TG: variants seen among roughly 807,000 people sequenced by gnomAD.
TG encodes the protein thyroid hormones.
Under a neutral mutation model 324.7 loss-of-function variants are expected in TG, and 270 were observed. The ratio of observed to expected loss-of-function variants is 0.83; its 90% CI spans 0.75 to 0.92. The LOEUF (loss-of-function observed/expected upper bound fraction) is 0.92. Among genes scored for constraint, TG ranks in the 40% least tolerant of loss-of-function variants. The pLI, the probability that TG is intolerant of heterozygous loss-of-function variation, is 0.00. For synonymous variants in TG, 1,401 were observed against 1,327.0 expected, an observed-to-expected ratio of 1.06 and a Z score of -1.21; for missense variants, 3,591 against 3,456.4, an observed-to-expected ratio of 1.04 and a Z score of -0.98.
Position 132,871,234 on chromosome 8 carries a change from G to A in TG, c.275-114G>A, listed in dbSNP as rs564730524. 1.4e-4 allele frequency: 152 copies of A among 1,067,074 alleles called. No individual in the cohort carries two copies. The Middle Eastern group carries it at 2.2e-3, about 16-fold the overall frequency. 66.1% of individuals were successfully genotyped at this position (1,067,074 alleles called of 1,614,324 possible). ...ACCCCATCACTGCGTGTCCTTGGGC[G>A]GGTCATTCCCCTCTCAGCTGTGTCC... On this transcript the variant is annotated intron_variant, in intron 3 of 47. Coordinates refer to ENST00000220616, the MANE Select transcript of TG (RefSeq NM_003235.5).
chr8:132,951,620 G>T (rs1826112900), intron 27 of TG, among the ~76,000 whole-genome samples: 3 of 152,092 alleles, frequency 2.0e-5, no homozygotes, highest in South Asian at 2.1e-4. Flanking sequence ...TGCCCTATAT[G>T]TGTGTGTGTA....
intron 41 of TG, among the ~76,000 whole-genome samples, chr8:133,059,544 A>G (rs566055315): frequency 1.3e-5 from 2 of 152,238 alleles, no homozygotes; most frequent in African/African-American, 4.8e-5. Context: ...CTGCAATATT[A>G]GGCTCTTCCC....
intron 14 of TG, 71 bp downstream of exon 14, chr8:132,898,981 T>A: frequency 7.7e-7 from 1 of 1,293,446 alleles, no homozygotes; most frequent in Middle Eastern, 1.8e-4. Context: ...TTTCTTTTTG[T>A]TCAATACGTT....
Position 132,933,596 on chromosome 8 carries a change from G to T in TG, c.4852G>T (p.Val1618Leu). ...TEDEACSFFT[V>L]STTEPEISCD... ...GGACGAGGCCTGCAGCTTCTTCACC[G>T]TGTCCACGACGGAGCCAGAGATTTC... is the stretch of plus-strand genomic sequence containing the variant. The change falls in exon 24 of 48, where the codon GTG becomes TTG. Residue 1618 changes from valine (V) to leucine (L), a missense_variant. Transcript: ENST00000220616. The T allele has an allele frequency of 1.2e-6, 2 of 1,614,140 alleles. No individual in the cohort carries two copies. The highest frequency in any genetic ancestry group is 1.7e-6 in the Non-Finnish European group (2 of 1,180,022).
chr8:132,962,292 A>C (rs10112059), intron 28 of TG, among the ~76,000 whole-genome samples: 52,908 of 152,004 alleles, frequency 0.35, 12,886 homozygotes, highest in African/African-American at 0.69. Context: ...GTGATATTTT[A>C]TTCATTTTCC....
At chr8:133,098,696 G>A (rs997147493) in intron 43 of TG, among the ~76,000 whole-genome samples, 2 of 152,136 alleles carry the variant, frequency 1.3e-5, no homozygotes, top group Admixed American at 6.5e-5. Flanking sequence ...GGAGGAGGGC[G>A]GCCCTGTGGT....
At chr8:132,923,617 G>A in intron 22 of TG, 109 bp downstream of exon 22, 2 of 1,348,230 alleles carry the variant, frequency 1.5e-6, no homozygotes, top group African/African-American at 1.5e-5. Flanking sequence ...CCAACTTTTT[G>A]TTTTGAAAAA....
intron 10 of TG, 27 bp downstream of exon 10, chr8:132,888,595 A>G: frequency 1.3e-5 from 17 of 1,337,948 alleles, no homozygotes; most frequent in Non-Finnish European, 1.6e-5. Flanking sequence ...GAAGAGTTAA[A>G]TGTGTGTGTG....
At chr8:133,128,818 A>G (rs1054758077) in intron 45 of TG, among the ~76,000 whole-genome samples, 1 of 152,210 alleles carries the variant, frequency 6.6e-6, no homozygotes, top group Non-Finnish European at 1.5e-5. Context: ...GGCTGACCAT[A>G]TACTGACACA....
At chr8:132,936,438 G>A (rs1255276419) in intron 25 of TG, among the ~76,000 whole-genome samples, 1 of 152,134 alleles carries the variant, frequency 6.6e-6, no homozygotes, top group Non-Finnish European at 1.5e-5. Context: ...AATCATTGGT[G>A]TCAGGCCGAG....
intron 20 of TG, among the ~76,000 whole-genome samples, chr8:132,918,377 C>A (rs1426363735): frequency 6.6e-6 from 1 of 152,034 alleles, no homozygotes; most frequent in Non-Finnish European, 1.5e-5. Context: ...GGTTGAAATG[C>A]TAGAGATAAT....
intron 41 of TG, among the ~76,000 whole-genome samples, chr8:133,088,722 G>C (rs1847007854): frequency 6.6e-6 from 1 of 152,194 alleles, no homozygotes; most frequent in Non-Finnish European, 1.5e-5. Flanking sequence ...TTGTCTCCTA[G>C]ATCATGTCTA....
Position 133,013,689 on chromosome 8 carries a change from T to A in TG, c.6487T>A (p.Cys2163Ser). 1 of 1,614,198 alleles carries A rather than the reference T, an allele frequency of 6.2e-7. No homozygotes were observed. Among genetic ancestry groups the A allele is most frequent in the Non-Finnish European group, 8.5e-7 (1 of 1,180,054 alleles). Residue 2163 changes from cysteine (C) to serine (S), a missense_variant, in exon 37 of 48, where the codon TGC (cysteine) becomes AGC (serine). By Grantham distance (112) the Cys-to-Ser change is moderately radical. Transcript: ENST00000220616. ...RCMFYADTQS[C>S]THSLQGQNCR... ...TATGTTCTATGCTGATACTCAAAGC[T>A]GCACACATAGTCTGCAGGGTCAGAA...
At chr8:132,957,106 C>A (rs1006219728) in intron 27 of TG, among the ~76,000 whole-genome samples, 1 of 152,118 alleles carries the variant, frequency 6.6e-6, no homozygotes, top group African/African-American at 2.4e-5. Flanking sequence ...CCTATGGAGA[C>A]TTGGCAATCA....
At chr8:132,983,705 C>T (rs528574999) in intron 35 of TG, 12 of 499,384 alleles carry the variant, frequency 2.4e-5, no homozygotes, top group Non-Finnish European at 4.0e-5. Context: ...AGGATTATTT[C>T]GCCCTATCGA....
rs1266807337 is a variant in TG at position 133,011,949 on chromosome 8, A to G, written c.6311A>G (p.Asp2104Gly). The change falls in exon 36 of 48, where the codon GAT (aspartate) becomes GGT (glycine). Residue 2104 changes from aspartate to glycine, a missense_variant. Asp to Gly is a moderately conservative substitution (Grantham distance 94, BLOSUM62 -1). Transcript: ENST00000220616. ...QSLALSSVVVDPSIRHFDVAH... is the reference protein window; with the variant it reads ...QSLALSSVVVGPSIRHFDVAH... ...CTGGCCCTCTCTTCAGTGGTTGTTG[A>G]TCCATCCATTAGGCACTTTGATGTT... 2.5e-6 allele frequency: 4 copies of G among 1,613,974 alleles called. No homozygotes were observed. Among genetic ancestry groups the G allele is most frequent in the Non-Finnish European group, 3.4e-6 (4 of 1,180,024 alleles).
intron 41 of TG, among the ~76,000 whole-genome samples, chr8:133,093,352 T>G (rs1397628404): frequency 6.7e-6 from 1 of 149,874 alleles, no homozygotes; most frequent in African/African-American, 2.6e-5. Flanking sequence ...GAGTTAGGAT[T>G]CTTCTCTCTC....
intron 35 of TG, among the ~76,000 whole-genome samples, chr8:133,007,244 G>A (rs1006314754): frequency 4.6e-5 from 7 of 152,090 alleles, no homozygotes; most frequent in East Asian, 1.9e-4. Flanking sequence ...GAGTAAGACC[G>A]GGAGAAGGGG....
Position 132,960,988 on chromosome 8 carries a change from A to G in TG, c.5402-20A>G, listed in dbSNP as rs1323996367. 1.2e-6 allele frequency: 2 copies of G among 1,613,674 alleles called. No individual in the cohort carries two copies. ...TGACAGCACACTCAAGCTCATAAAA[A>G]TAAACATCTTCCTTTGCAGGTCTGA... is the stretch of plus-strand genomic sequence containing the variant. On this transcript the variant is annotated intron_variant, in intron 27 of 47. Coordinates refer to ENST00000220616, the MANE Select transcript of TG (RefSeq NM_003235.5).
Sources: gnomAD v4.1 joint callset for allele counts (sites outside exome capture counted in the v4.1 genomes callset) on GRCh38, gnomAD v4.1.1 for gene constraint, MANE v1.5 for transcripts, NCBI Gene and HGNC (gene_info 2026-07-23, HGNC 2026-07-21) for gene names.